TMPRSS15: variants seen among roughly 807,000 people sequenced by gnomAD.
The protein encoded by TMPRSS15 is enteropeptidase.
A neutral mutation model predicts 125.3 loss-of-function variants in TMPRSS15; 128 were observed. The ratio of observed to expected loss-of-function variants is 1.02; its 90% confidence interval spans 0.89 to 1.18. The LOEUF (loss-of-function observed/expected upper bound fraction) is 1.18, where lower values mean the gene tolerates loss of function less well. Ranked by LOEUF, TMPRSS15 falls within the 50% of genes most tolerant of loss-of-function variation. The pLI, the probability that TMPRSS15 is intolerant of heterozygous loss-of-function variation, is 0.00. For missense variants in TMPRSS15, 1,283 were observed against 1,212.7 expected (o/e 1.06, Z -0.86); for synonymous variants, 446 against 423.2 (o/e 1.05, Z -0.66).
At position 18,312,980 on chromosome 21, in the gene TMPRSS15, C is replaced by T. The variant is rs1443757215; in HGVS notation, c.2130G>A (p.Gln710=). Residue 710 remains glutamine (Q), a synonymous_variant, in exon 18 of 25, where the codon CAG becomes CAA. Coordinates refer to ENST00000284885, the MANE Select transcript of TMPRSS15 (RefSeq NM_002772.3). ...HTACAENWTT[Q]ISNDVCQLLG... ...GCAGTTGACAAACATCATTTGAAAT[C>T]TGGGTGGTCCAGTTCTCAGCACAAG... The T allele has an allele frequency of 6.2e-7, 1 of 1,614,000 alleles. No homozygotes were observed. The highest frequency in any genetic ancestry group is 1.7e-5 in the Admixed American group (1 of 60,002).
chr21:18,273,354 CTTAT>C (rs2074583292), intron 24 of TMPRSS15, among the ~76,000 whole-genome samples: 2 of 152,118 alleles, frequency 1.3e-5, no homozygotes, highest in Admixed American at 6.5e-5. Context: ...AGAATGCATT[CTTAT>C]TTAATCAGTT....
At chr21:18,350,564 T>A (rs1410610358) in intron 10 of TMPRSS15, among the ~76,000 whole-genome samples, 1 of 152,090 alleles carries the variant, frequency 6.6e-6, no homozygotes, top group Non-Finnish European at 1.5e-5. Flanking sequence ...CCTGGAATAA[T>A]CTGTGTGGCT....
At chr21:18,369,631 C>CA (rs1036254508) in intron 6 of TMPRSS15, among the ~76,000 whole-genome samples, 5 of 150,510 alleles carry the variant, frequency 3.3e-5, no homozygotes, top group Admixed American at 2.0e-4. Flanking sequence ...ACAGCTGGAG[C>CA]AAAAAAATAA....
At chr21:18,409,720 G>A (rs2076160553) in intron 1 of TMPRSS15, among the ~76,000 whole-genome samples, 1 of 151,886 alleles carries the variant, frequency 6.6e-6, no homozygotes, top group Non-Finnish European at 1.5e-5. Context: ...CATTTATTAA[G>A]TTTTAAAAGT....
At chr21:18,407,060 A>G (rs1290478627), upstream of TMPRSS15, among the ~76,000 whole-genome samples, 1 of 152,216 alleles carries the variant, frequency 6.6e-6, no homozygotes, top group Non-Finnish European at 1.5e-5. Flanking sequence ...CACAGCCTAA[A>G]GTAGAAAAGA....
intron 1 of TMPRSS15, among the ~76,000 whole-genome samples, chr21:18,443,594 G>A (rs533440721): frequency 6.6e-6 from 1 of 152,340 alleles, no homozygotes; most frequent in South Asian, 2.1e-4. Context: ...CCCTGGAGCA[G>A]ACCAGCACTG....
At position 18,269,753 on chromosome 21, in the gene TMPRSS15, T is replaced by C. The variant is rs2074531497; in HGVS notation, c.*216A>G. ...ACCTGTTCACAATGAAATACAAATGTATTTAATGGTATTTTAAAGTTATTC... is the reference window on the plus strand; with the variant it reads ...ACCTGTTCACAATGAAATACAAATGCATTTAATGGTATTTTAAAGTTATTC... On this transcript the variant is annotated 3_prime_UTR_variant, in exon 25 of 25. Coordinates refer to ENST00000284885, the MANE Select transcript of TMPRSS15 (RefSeq NM_002772.3). The C allele has an allele frequency of 5.9e-6, 3 of 509,590 alleles. No homozygotes were observed. The highest frequency in any genetic ancestry group is 2.3e-5 in the South Asian group (1 of 44,360). 31.6% of individuals were successfully genotyped at this position (509,590 alleles called of 1,614,324 possible).
At chr21:18,327,034 G>A (rs2075299493) in intron 15 of TMPRSS15, among the ~76,000 whole-genome samples, 1 of 152,092 alleles carries the variant, frequency 6.6e-6, no homozygotes, top group African/African-American at 2.4e-5. Context: ...TTAACTACAT[G>A]GTGGCTTTTA....
intron 6 of TMPRSS15, among the ~76,000 whole-genome samples, chr21:18,369,337 C>T (rs761832434): frequency 2.0e-5 from 3 of 152,174 alleles, no homozygotes; most frequent in Non-Finnish European, 4.4e-5. Context: ...TGCATATACA[C>T]GTGAGGCATA....
chr21:18,281,252 C>T (rs775838354), intron 21 of TMPRSS15, 31 bp from the exon 22 acceptor site: 2 of 1,588,908 alleles, frequency 1.3e-6, no homozygotes, highest in Non-Finnish European at 1.7e-6. Flanking sequence ...ATATGAGACA[C>T]TCTCCATCCA....
At chr21:18,274,927 T>G (rs2074601975) in intron 24 of TMPRSS15, among the ~76,000 whole-genome samples, 2 of 152,222 alleles carry the variant, frequency 1.3e-5, no homozygotes, top group African/African-American at 4.8e-5. Context: ...CCAGGTCCAC[T>G]GCTCATTTTA....
At chr21:18,438,851 GATTTA>G (rs1601463027) in intron 1 of TMPRSS15, among the ~76,000 whole-genome samples, 1 of 152,166 alleles carries the variant, frequency 6.6e-6, no homozygotes, top group African/African-American at 2.4e-5. Flanking sequence ...AATTTATGTA[GATTTA>G]ATTAATGACT....
chr21:18,420,281 C>A (rs563330089), intron 1 of TMPRSS15, among the ~76,000 whole-genome samples: 10 of 152,160 alleles, frequency 6.6e-5, no homozygotes, highest in Non-Finnish European at 1.0e-4. Flanking sequence ...TTCGAGTAAA[C>A]CTCAAAGCAT....
chr21:18,399,423 A>AT (rs1244852787), intron 1 of TMPRSS15, among the ~76,000 whole-genome samples: 2 of 152,134 alleles, frequency 1.3e-5, no homozygotes, highest in African/African-American at 4.8e-5. Context: ...GATGTAACAT[A>AT]TTATTTATAC....
chr21:18,333,609 A>G (rs906621116), intron 13 of TMPRSS15, among the ~76,000 whole-genome samples: 5 of 151,952 alleles, frequency 3.3e-5, no homozygotes, highest in Non-Finnish European at 7.4e-5. Flanking sequence ...GCACATGGAT[A>G]GTAAGGAAAG....
chr21:18,419,152 C>G (rs763950702), intron 1 of TMPRSS15, among the ~76,000 whole-genome samples: 9 of 151,490 alleles, frequency 5.9e-5, no homozygotes, highest in Non-Finnish European at 8.8e-5. Flanking sequence ...CCGATTAAAA[C>G]TTACCAGCTC....
At chr21:18,282,911 G>T (rs2074718456) in intron 21 of TMPRSS15, among the ~76,000 whole-genome samples, 1 of 151,638 alleles carries the variant, frequency 6.6e-6, no homozygotes, top group South Asian at 2.1e-4. Flanking sequence ...CTGGAGATGT[G>T]GGGGGCAAGA....
rs186721696 is a variant in TMPRSS15 at position 18,281,992 on chromosome 21, G to C, written c.2487-771C>G. On this transcript the variant is annotated intron_variant, in intron 21 of 24. Transcript: ENST00000284885. ...GGCGCCTGTAGTCCCAGCTACTTCGGGGGGCAGAGGCAGGAGAATGGCGTG... is the reference window on the plus strand; with the variant it reads ...GGCGCCTGTAGTCCCAGCTACTTCGCGGGGCAGAGGCAGGAGAATGGCGTG... Among the ~76,000 whole-genome samples the C allele has an allele frequency of 1.7e-3, 259 of 151,332 alleles. 1 individual carries two copies. Among genetic ancestry groups the C allele is most frequent in the Non-Finnish European group, 2.0e-3 (134 of 67,822 alleles).
At chr21:18,341,863 G>GCA (rs1470828795) in intron 12 of TMPRSS15, among the ~76,000 whole-genome samples, 6 of 152,036 alleles carry the variant, frequency 3.9e-5, no homozygotes, top group Non-Finnish European at 7.4e-5. Flanking sequence ...ATATTCCATT[G>GCA]TACTCTGTCA....
Sources: gnomAD v4.1 joint callset for allele counts (sites outside exome capture counted in the v4.1 genomes callset) on GRCh38, gnomAD v4.1.1 for gene constraint, MANE v1.5 for transcripts, NCBI Gene and HGNC (gene_info 2026-07-23, HGNC 2026-07-21) for gene names.